The following TSPAN7 variants were observed in gnomAD, a reference collection of about 807,000 sequenced individuals.
The protein encoded by TSPAN7 is tetraspanin-7.
Under a neutral mutation model 17.6 loss-of-function variants are expected in TSPAN7, and 1 was observed. That is an observed-to-expected ratio of 0.06 (90% CI 0.02 to 0.27). The LOEUF (loss-of-function observed/expected upper bound fraction) is 0.27. Among genes scored for constraint, TSPAN7 ranks in the 10% least tolerant of loss-of-function variants. The pLI is 1.00. For missense variants in TSPAN7, 112 were observed against 201.7 expected (o/e 0.56, Z 2.69); for synonymous variants, 78 against 79.0 (o/e 0.99, Z 0.07).
At chrX:38,660,169 C>G (rs2069735870) in intron 1 of TSPAN7, among the ~76,000 whole-genome samples, 1 of 111,322 alleles carries the variant, frequency 9.0e-6, no homozygotes, top group South Asian at 3.8e-4. Flanking sequence ...GAGTCCCTTT[C>G]TGCCACTCAT....
intron 1 of TSPAN7, among the ~76,000 whole-genome samples, chrX:38,581,625 C>G (rs1304748558): frequency 8.9e-6 from 1 of 111,869 alleles, no homozygotes; most frequent in Admixed American, 9.4e-5. Flanking sequence ...TTTCTTCTCC[C>G]CTTTAGTTTA....
At chrX:38,665,920 C>T (rs2069778879) in intron 1 of TSPAN7, among the ~76,000 whole-genome samples, 1 of 112,052 alleles carries the variant, frequency 8.9e-6, no homozygotes, top group Non-Finnish European at 1.9e-5. Context: ...GTGTAAGGGG[C>T]ACGTTTATTG....
intron 1 of TSPAN7, among the ~76,000 whole-genome samples, chrX:38,566,042 A>G (rs1419102799): frequency 1.4e-4 from 16 of 112,225 alleles, no homozygotes; most frequent in Non-Finnish European, 3.0e-4. Context: ...CTGGACTTAC[A>G]TAGCAGTAAG....
chrX:38,630,496 G>C (rs1425168798), intron 1 of TSPAN7, among the ~76,000 whole-genome samples: 1 of 111,458 alleles, frequency 9.0e-6, no homozygotes, highest in Non-Finnish European at 1.9e-5. Context: ...TGTCACATTG[G>C]TAAGTCCAGG....
At chrX:38,629,104 G>A (rs2069537017) in intron 1 of TSPAN7, among the ~76,000 whole-genome samples, 1 of 112,452 alleles carries the variant, frequency 8.9e-6, no homozygotes, top group African/African-American at 3.2e-5. Context: ...AAAGAAATAA[G>A]TAATATGCAT....
intron 1 of TSPAN7, among the ~76,000 whole-genome samples, chrX:38,586,319 G>A (rs1230650458): frequency 4.5e-5 from 5 of 112,255 alleles, no homozygotes; most frequent in African/African-American, 1.6e-4. Flanking sequence ...TTCAATATTT[G>A]ATATCAGGAA....
At chrX:38,587,659 A>G (rs2069266131) in intron 1 of TSPAN7, among the ~76,000 whole-genome samples, 1 of 111,836 alleles carries the variant, frequency 8.9e-6, no homozygotes, top group Non-Finnish European at 1.9e-5. Flanking sequence ...ATATTTTAAT[A>G]TTAATCTAAA....
At chrX:38,664,838 A>G (rs752604663) in intron 1 of TSPAN7, among the ~76,000 whole-genome samples, 3 of 112,122 alleles carry the variant, frequency 2.7e-5, no homozygotes, top group African/African-American at 9.7e-5. Flanking sequence ...TAAAGCTCAC[A>G]CTTACCTTAT....
intron 1 of TSPAN7, among the ~76,000 whole-genome samples, chrX:38,591,341 G>T (rs1243741245): frequency 2.7e-5 from 3 of 111,402 alleles, no homozygotes; most frequent in Non-Finnish European, 5.7e-5. Flanking sequence ...TTTTTCCAGA[G>T]ATCTTTCTTT....
At chrX:38,605,805 T>C (rs1314649073) in intron 1 of TSPAN7, among the ~76,000 whole-genome samples, 4 of 110,876 alleles carry the variant, frequency 3.6e-5, no homozygotes, top group Non-Finnish European at 7.6e-5. Context: ...AAACAAGCAA[T>C]GTGGAAAGGA....
At chrX:38,657,260 T>C (rs2069710099) in intron 1 of TSPAN7, among the ~76,000 whole-genome samples, 1 of 111,968 alleles carries the variant, frequency 8.9e-6, no homozygotes, top group Admixed American at 9.5e-5. Flanking sequence ...GTTATTCAAG[T>C]AGTAAAAGGC....
intron 1 of TSPAN7, among the ~76,000 whole-genome samples, chrX:38,606,442 T>A (rs1192939397): frequency 9.0e-6 from 1 of 111,690 alleles, no homozygotes; most frequent in Admixed American, 9.5e-5. Context: ...ATGTAAAAGA[T>A]AATAAAAACA....
chrX:38,673,154 C>G (rs1188659381), intron 3 of TSPAN7, among the ~76,000 whole-genome samples: 2 of 111,190 alleles, frequency 1.8e-5, no homozygotes, highest in Non-Finnish European at 3.8e-5. Flanking sequence ...AGGAGAGTCA[C>G]CATACTTAGC....
intron 6 of TSPAN7, among the ~76,000 whole-genome samples, chrX:38,681,680 A>G (rs944951214): frequency 1.8e-5 from 2 of 111,720 alleles, no homozygotes; most frequent in Non-Finnish European, 3.8e-5. Context: ...CTTAGTTCCT[A>G]TGTATTACAG....
intron 5 of TSPAN7, 140 bp from the exon 6 acceptor site, chrX:38,681,064 G>A (rs764813633): frequency 2.1e-5 from 11 of 521,395 alleles, no homozygotes; most frequent in Admixed American, 5.3e-5. Context: ...TGAAAAGAAT[G>A]CTAATAAATC....
chrX:38,597,747 A>G (rs1489591468), intron 1 of TSPAN7, among the ~76,000 whole-genome samples: 4 of 111,603 alleles, frequency 3.6e-5, no homozygotes, highest in Non-Finnish European at 7.6e-5. Context: ...AGAATGAACT[A>G]TATGTTTAAA....
intron 1 of TSPAN7, among the ~76,000 whole-genome samples, chrX:38,567,431 A>G (rs1483418567): frequency 8.9e-6 from 1 of 112,240 alleles, no homozygotes; most frequent in African/African-American, 3.2e-5. Flanking sequence ...TATCAGGAGA[A>G]CAGCATGGGA....
rs2069907139 is a variant in TSPAN7 at position 38,683,727 on chromosome X, C to T, written c.681+2440C>T. ...GGGTCCTGAAAGCTGAAGTTGGCTT[C>T]CAGACGTCCATAGATCCAGGGCATC... On this transcript the variant is annotated intron_variant, in intron 6 of 7. Transcript: ENST00000378482. Among the ~76,000 whole-genome samples the T allele has an allele frequency of 2.7e-5, 3 of 112,931 alleles. No homozygotes were observed. The South Asian group carries it at 1.1e-3, about 41-fold the overall frequency.
At chrX:38,633,537 A>T (rs2069562494) in intron 1 of TSPAN7, among the ~76,000 whole-genome samples, 1 of 112,686 alleles carries the variant, frequency 8.9e-6, no homozygotes, top group African/African-American at 3.2e-5. Flanking sequence ...TAATATAGCT[A>T]CTTCTCCAAG....
Sources: allele counts gnomAD v4.1 joint callset (sites outside exome capture counted in the v4.1 genomes callset), GRCh38; gene constraint gnomAD v4.1.1; transcripts MANE v1.5; gene names NCBI Gene and HGNC (gene_info 2026-07-23, HGNC 2026-07-21).